The following STARD13 variants were observed in gnomAD, a reference collection of about 807,000 sequenced individuals.
The protein encoded by STARD13 is StAR related lipid transfer domain containing 13.
A neutral mutation model predicts 106.4 loss-of-function variants in STARD13; 62 were observed. The ratio of observed to expected loss-of-function variants is 0.58; its 90% CI spans 0.48 to 0.72. The LOEUF is 0.72. STARD13 is among the 30% of genes least tolerant of loss of function. The pLI, the probability that STARD13 is intolerant of heterozygous loss-of-function variation, is 0.00. For missense variants in STARD13, 1,387 were observed against 1,424.0 expected, an observed-to-expected ratio of 0.97 and a Z score of 0.42; for synonymous variants, 565 against 553.0, an observed-to-expected ratio of 1.02 and a Z score of -0.31.
chr13:33,361,651 C>A, the STARD13 span, among the ~76,000 whole-genome samples: 6 of 152,156 alleles, frequency 3.9e-5, no homozygotes, highest in Non-Finnish European at 8.8e-5. Context: ...AGGGAACTTA[C>A]AATTATGGCA....
At chr13:33,279,546 C>CGATT (rs1220137594) in intron 1 of STARD13, 1 of 152,190 alleles carries the variant, frequency 6.6e-6, no homozygotes, top group African/African-American at 2.4e-5. Context: ...AACTCCTGGA[C>CGATT]GATTGGCACA....
At chr13:33,636,535 G>C in the STARD13 span, among the ~76,000 whole-genome samples, 1 of 152,126 alleles carries the variant, frequency 6.6e-6, no homozygotes, top group Non-Finnish European at 1.5e-5. Flanking sequence ...CCCTAATTAT[G>C]GGACTATTCA....
At chr13:33,258,114 C>A (rs1200401329) in intron 1 of STARD13, among the ~76,000 whole-genome samples, 1 of 152,216 alleles carries the variant, frequency 6.6e-6, no homozygotes, top group Non-Finnish European at 1.5e-5. Context: ...TTGGGTTAAG[C>A]CAGTGAGAGT....
the STARD13 span, among the ~76,000 whole-genome samples, chr13:33,485,553 A>G: frequency 6.6e-6 from 1 of 152,216 alleles, no homozygotes; most frequent in Non-Finnish European, 1.5e-5. Flanking sequence ...CTTGTGCTAC[A>G]TGAAGATATT....
chr13:33,576,739 A>G, the STARD13 span, among the ~76,000 whole-genome samples: 5 of 152,230 alleles, frequency 3.3e-5, no homozygotes, highest in Admixed American at 1.3e-4. Flanking sequence ...TAAAAATAAT[A>G]TAGTGTGAGG....
intron 1 of STARD13, among the ~76,000 whole-genome samples, chr13:33,174,465 C>A (rs2138410952): frequency 6.6e-6 from 1 of 152,268 alleles, no homozygotes; most frequent in East Asian, 1.9e-4. Context: ...ACAGATGTGA[C>A]CTGTGCTAGT....
intron 4 of STARD13, among the ~76,000 whole-genome samples, chr13:33,136,136 T>C (rs1487639347): frequency 2.7e-5 from 4 of 147,124 alleles, no homozygotes; most frequent in South Asian, 2.1e-4. Context: ...AAAAAAATTA[T>C]ATATATCTTA....
chr13:33,125,964 T>C, intron 7 of STARD13, 117 bp downstream of exon 7: 1 of 1,100,298 alleles, frequency 9.1e-7, no homozygotes, highest in Non-Finnish European at 1.3e-6. Context: ...ATGCCTTTTA[T>C]TTTTGGTGAG....
At chr13:33,252,761 A>G (rs925328951) in intron 1 of STARD13, among the ~76,000 whole-genome samples, 1 of 152,240 alleles carries the variant, frequency 6.6e-6, no homozygotes, top group Admixed American at 6.5e-5. Context: ...CAAGATTTGT[A>G]TCTGAAAGTA....
chr13:33,365,773 G>C, the STARD13 span, among the ~76,000 whole-genome samples: 6 of 152,056 alleles, frequency 3.9e-5, no homozygotes, highest in Non-Finnish European at 8.8e-5. Flanking sequence ...CATTTTGCTC[G>C]GATTGTCTTC....
intron 1 of STARD13, among the ~76,000 whole-genome samples, chr13:33,316,630 C>G (rs111561736): frequency 3.7e-4 from 56 of 152,298 alleles, no homozygotes; most frequent in African/African-American, 1.3e-3. Context: ...TTGCTAGGAG[C>G]TGAACTCAAA....
chr13:33,210,266 A>G lies in STARD13; in HGVS notation c.170-42644T>C, dbSNP rs530566224. Among the ~76,000 whole-genome samples the G allele has an allele frequency of 2.0e-5, 3 of 152,332 alleles. No individual in the cohort carries two copies. The East Asian group carries it at 5.8e-4, about 29-fold the overall frequency. ...CTTACAAAGTAGCAGGTTGCAGACA[A>G]TTTGCAAATTCCGGCAAGAGTAAAT... On this transcript the variant is annotated intron_variant, in intron 1 of 13. Coordinates refer to ENST00000336934, the MANE Select transcript of STARD13 (RefSeq NM_178006.4).
At chr13:33,506,035 C>G in the STARD13 span, among the ~76,000 whole-genome samples, 3 of 152,120 alleles carry the variant, frequency 2.0e-5, no homozygotes, top group Non-Finnish European at 2.9e-5. Context: ...CAGTGTCCCC[C>G]AACTGTACCC....
intron 1 of STARD13, among the ~76,000 whole-genome samples, chr13:33,302,749 T>G (rs909661252): frequency 2.0e-5 from 3 of 152,362 alleles, no homozygotes; most frequent in African/African-American, 7.2e-5. Context: ...AGGTAGTTAC[T>G]GTTTTTTCTT....
chr13:33,514,065 T>A, the STARD13 span, among the ~76,000 whole-genome samples: 1 of 152,290 alleles, frequency 6.6e-6, no homozygotes, highest in Middle Eastern at 3.4e-3. Context: ...GTTAACCCAT[T>A]GATATTTATG....
the STARD13 span, among the ~76,000 whole-genome samples, chr13:33,545,159 C>T: frequency 6.6e-6 from 1 of 152,060 alleles, no homozygotes; most frequent in Non-Finnish European, 1.5e-5. Context: ...CAGTTTTCTC[C>T]ATGTTGGTCA....
chr13:33,349,187 G>A lies in STARD13; in HGVS notation c.154C>T (p.His52Tyr), dbSNP rs1238818585. 6 of 702,372 alleles carry A rather than the reference G, an allele frequency of 8.5e-6. No homozygotes were observed. The South Asian group carries it at 8.9e-5, about 10-fold the overall frequency. The allele number at this position is 702,372 out of a possible 1,614,324, so 43.5% of individuals were successfully genotyped here. Residue 52 changes from histidine to tyrosine, a missense_variant, in exon 2 of 2, where the codon CAC (histidine) becomes TAC (tyrosine). Coordinates refer to the STARD13 transcript ENST00000439831. ...TCTAGAACTTTCTTCTGCCCCATGT[G>A]GTGGTCACTGCCCAGCTCAAGAGAT... is the stretch of plus-strand genomic sequence containing the variant.
intron 1 of STARD13, among the ~76,000 whole-genome samples, chr13:33,183,400 C>T (rs190805090): frequency 7.7e-4 from 117 of 152,350 alleles, no homozygotes; most frequent in African/African-American, 2.7e-3. Context: ...TTGCACGTTG[C>T]TGCTGGTCAA....
chr13:33,308,331 G>C (rs1892988737), intron 1 of STARD13, among the ~76,000 whole-genome samples: 1 of 152,122 alleles, frequency 6.6e-6, no homozygotes, highest in Admixed American at 6.5e-5. Context: ...TTTGAGGCCA[G>C]TATGCCTGAA....
Sources: gnomAD v4.1 joint callset for allele counts (sites outside exome capture counted in the v4.1 genomes callset) on GRCh38, gnomAD v4.1.1 for gene constraint, MANE v1.5 for transcripts, NCBI Gene and HGNC (gene_info 2026-07-23, HGNC 2026-07-21) for gene names.